ZDHHC6: variants seen among roughly 807,000 people sequenced by gnomAD.
The protein encoded by ZDHHC6 is palmitoyltransferase ZDHHC6.
Under a neutral mutation model 57.8 loss-of-function variants are expected in ZDHHC6, and 32 were observed. That is an observed-to-expected ratio of 0.55 (90% confidence interval 0.42 to 0.74). The LOEUF (loss-of-function observed/expected upper bound fraction) is 0.74. ZDHHC6 is among the 30% of genes least tolerant of loss of function. The pLI is 0.00. For missense variants in ZDHHC6, 433 were observed against 500.7 expected (o/e 0.86, Z 1.29); for synonymous variants, 128 against 158.0 (o/e 0.81, Z 1.42).
At chr10:112,441,338 T>C (rs1846099627) in intron 4 of ZDHHC6, among the ~76,000 whole-genome samples, 1 of 152,192 alleles carries the variant, frequency 6.6e-6, no homozygotes, top group African/African-American at 2.4e-5. Context: ...CTCTTGCTAT[T>C]CTACATCGCA....
downstream of ZDHHC6, chr10:112,427,504 G>A: frequency 1.5e-6 from 1 of 646,516 alleles, no homozygotes; most frequent in Non-Finnish European, 2.4e-6. Flanking sequence ...TTTATATTGA[G>A]ACATATAATG....
downstream of ZDHHC6, chr10:112,428,095 C>A: frequency 4.1e-6 from 1 of 243,810 alleles, no homozygotes; most frequent in African/African-American, 2.2e-5. Flanking sequence ...AATCTGTTCC[C>A]TACAGTTTGC....
In ZDHHC6 at chr10:112,434,398, T is replaced by G. The variant is rs745448028; in HGVS notation, c.802A>C (p.Arg268=). The change falls in exon 7 of 11, where the codon AGA becomes CGA. Residue 268 remains arginine (R), a synonymous_variant. Coordinates refer to ENST00000369405, the MANE Select transcript of ZDHHC6 (RefSeq NM_022494.3). ...AATACCTGTTTAAAGTTCCTCCATC[T>G]ACTTCCCATATCATATGGAAAAACA... is the stretch of plus-strand genomic sequence containing the variant. ...VFVFPYDMGS[R]WRNFKQVFTW... The G allele has an allele frequency of 6.2e-7, 1 of 1,614,050 alleles. No individual in the cohort carries two copies. Among genetic ancestry groups the G allele is most frequent in the South Asian group, 1.1e-5 (1 of 91,076 alleles).
chr10:112,433,653 T>C (rs1457017915), intron 7 of ZDHHC6: 1 of 175,552 alleles, frequency 5.7e-6, no homozygotes, highest in African/African-American at 2.4e-5. Flanking sequence ...AAATGAATAA[T>C]GAAGAACATT....
Position 112,430,607 on chromosome 10 carries a change from G to T in ZDHHC6, c.*197C>A. 2.3e-6 allele frequency: 1 copy of T among 440,532 alleles called. No homozygotes were observed. The highest frequency in any genetic ancestry group is 4.0e-6 in the Non-Finnish European group (1 of 248,824). 27.3% of individuals were successfully genotyped at this position (440,532 alleles called of 1,614,324 possible). A position where few individuals can be genotyped will look rare whatever the true frequency, so the allele number is the denominator to read the frequency against. On this transcript the variant is annotated 3_prime_UTR_variant, in exon 11 of 11. Transcript: ENST00000369405. ...GGGGGAGGAAGAGGTGGTAAAGAGG[G>T]GCAGGAATTCAAAGGCATATGCAGA...
chr10:112,432,100 C>G (rs749316439), intron 10 of ZDHHC6, 140 bp downstream of exon 10: 5 of 750,858 alleles, frequency 6.7e-6, no homozygotes, highest in Non-Finnish European at 1.0e-5. Context: ...AAGGAAGTTC[C>G]TTTTGTTGCT....
At chr10:112,425,622 ATTC>A, downstream of ZDHHC6, 1 of 778,516 alleles carries the variant, frequency 1.3e-6, no homozygotes, top group Non-Finnish European at 1.9e-6. Context: ...ATGAAGTTAC[ATTC>A]CAAACCTCAA....
intron 4 of ZDHHC6, 142 bp from the exon 5 acceptor site, chr10:112,440,837 TTTTA>T (rs1271586400): frequency 9.1e-6 from 5 of 550,876 alleles, no homozygotes; most frequent in East Asian, 4.0e-5. Context: ...TTTTATTTTA[TTTTA>T]TTTATTTATT....
At chr10:112,443,649 G>C (rs1168486783) in intron 2 of ZDHHC6, 43 bp from the exon 3 acceptor site, 27 of 1,450,984 alleles carry the variant, frequency 1.9e-5, no homozygotes, top group Non-Finnish European at 2.6e-5. Context: ...TCGGATACTT[G>C]AATATAAGTA....
At chr10:112,438,279 AC>A in intron 6 of ZDHHC6, 56 bp downstream of exon 6, 1 of 1,145,032 alleles carries the variant, frequency 8.7e-7, no homozygotes, top group Non-Finnish European at 1.2e-6. Context: ...TCAGGACTTT[AC>A]CAGTCCTTTA....
upstream of ZDHHC6, chr10:112,447,276 C>T (rs1232967240): frequency 1.5e-6 from 2 of 1,332,370 alleles, no homozygotes; most frequent in East Asian, 2.5e-5. Context: ...CTCTCGGGGG[C>T]ACCTTCCGGG....
At chr10:112,431,257 C>G (rs12414780) in intron 10 of ZDHHC6, among the ~76,000 whole-genome samples, 45,064 of 151,844 alleles carry the variant, frequency 0.3, 8,102 homozygotes, top group East Asian at 0.53. Context: ...TTCCAGGGAA[C>G]TATCTTCTTG....
chr10:112,430,240 A>G (rs1467236510), downstream of ZDHHC6: 1 of 152,276 alleles, frequency 6.6e-6, no homozygotes, highest in Non-Finnish European at 1.5e-5. Flanking sequence ...GTTTTTCCAT[A>G]AGGAACTAAG....
Position 112,445,201 on chromosome 10 carries a change from C to A in ZDHHC6, c.236G>T (p.Gly79Val). Reference sequence around the variant, plus strand: ...CCACCCCAGAGGGACAAAGCCCGGACCGACAAACATGGCATTGAAGTAATT... The same window carrying A: ...CCACCCCAGAGGGACAAAGCCCGGAACGACAAACATGGCATTGAAGTAATT... ...LYNYFNAMFV[G>V]PGFVPLGWKP... The change falls in exon 2 of 11, where the codon GGT (glycine) becomes GTT (valine). Residue 79 changes from glycine (G) to valine (V), a missense_variant. Transcript: ENST00000369405. The A allele has an allele frequency of 2.5e-6, 4 of 1,613,862 alleles. No homozygotes were observed. Among genetic ancestry groups the A allele is most frequent in the Non-Finnish European group, 3.4e-6 (4 of 1,179,768 alleles).
chr10:112,432,338 G>T (rs759356434), intron 9 of ZDHHC6, 38 bp downstream of exon 9: 1 of 1,608,720 alleles, frequency 6.2e-7, no homozygotes, highest in Non-Finnish European at 8.5e-7. Flanking sequence ...TATTAATTTT[G>T]TCCTTGAAGA....
At position 112,430,466 on chromosome 10, in the gene ZDHHC6, GA is replaced by G. The variant is rs1430764290; in HGVS notation, c.*337del. On this transcript the variant is annotated 3_prime_UTR_variant, in exon 11 of 11. Coordinates refer to ENST00000369405, the MANE Select transcript of ZDHHC6 (RefSeq NM_022494.3). ...AGGGAAAAGAGAAGTACCACATGCA[GA>G]TGCTCCTGGCAAGGGGGGAACTGTA... 1 of 166,540 alleles carries G rather than the reference GA, an allele frequency of 6.0e-6. No individual in the cohort carries two copies. Among genetic ancestry groups the G allele is most frequent in the African/African-American group, 2.4e-5 (1 of 42,012 alleles). The allele number at this position is 166,540 out of a possible 1,614,324, so 10.3% of individuals were successfully genotyped here.
At chr10:112,442,093 C>T in intron 4 of ZDHHC6, 99 bp downstream of exon 4, 3 of 1,324,810 alleles carry the variant, frequency 2.3e-6, no homozygotes, top group African/African-American at 3.0e-5. Flanking sequence ...AACTAAATCA[C>T]AGAAAGCATA....
downstream of ZDHHC6, chr10:112,426,426 CAGT>C: frequency 7.5e-7 from 1 of 1,331,250 alleles, no homozygotes; most frequent in Non-Finnish European, 1.1e-6. Context: ...GATGCCTCAC[CAGT>C]TCCTGCATCT....
chr10:112,441,427 T>C (rs1846109963), intron 4 of ZDHHC6, among the ~76,000 whole-genome samples: 2 of 152,240 alleles, frequency 1.3e-5, no homozygotes, highest in African/African-American at 4.8e-5. Context: ...GATGAAGAAC[T>C]GATAAAATGC....
Sources: allele counts gnomAD v4.1 joint callset (sites outside exome capture counted in the v4.1 genomes callset), GRCh38; gene constraint gnomAD v4.1.1; transcripts MANE v1.5; gene names NCBI Gene and HGNC (gene_info 2026-07-23, HGNC 2026-07-21).